Variants in PASK observed in about 807,000 individuals in gnomAD.
PASK encodes PAS domain-containing serine/threonine-protein kinase.
PASK carries 110 observed loss-of-function variants against 121.0 expected under a neutral mutation model. That is an observed-to-expected ratio of 0.91 (90% CI 0.78 to 1.06). The LOEUF is 1.06. Among genes scored for constraint, PASK ranks in the 50% least tolerant of loss-of-function variants. The probability of loss-of-function intolerance (pLI) is 0.00; values close to 1 mark genes in which losing one functional copy is unlikely to be tolerated. For missense variants in PASK, 1,643 were observed against 1,702.3 expected (o/e 0.97, Z 0.61); for synonymous variants, 686 against 717.8 (o/e 0.96, Z 0.71).
At chr2:241,115,662 T>C (rs200508011) in intron 12 of PASK, among the ~76,000 whole-genome samples, 198 of 105,584 alleles carry the variant, frequency 1.9e-3, no homozygotes, top group Middle Eastern at 5.6e-3. Flanking sequence ...CACCCGGTCC[T>C]CAAGCATCCC....
At chr2:241,121,054 G>A (rs2065585987) in intron 12 of PASK, among the ~76,000 whole-genome samples, 1 of 152,216 alleles carries the variant, frequency 6.6e-6, no homozygotes, top group South Asian at 2.1e-4. Context: ...CATTATGTTA[G>A]ATGAAAGAAT....
intron 14 of PASK, chr2:241,114,818 TTC>T (rs2065257635): frequency 6.9e-7 from 1 of 1,452,558 alleles, no homozygotes; most frequent in African/African-American, 1.4e-5. Context: ...TTCTCAGTCA[TTC>T]CAGGACTGTA....
chr2:241,123,762 G>T (rs2065729322), intron 11 of PASK, among the ~76,000 whole-genome samples, 187 bp downstream of exon 11: 1 of 151,270 alleles, frequency 6.6e-6, no homozygotes, highest in African/African-American at 2.4e-5. Flanking sequence ...AGGTTGCAGT[G>T]AGCTGAGAAA....
intron 10 of PASK, among the ~76,000 whole-genome samples, chr2:241,124,751 T>C (rs2065778047): frequency 6.6e-6 from 1 of 152,234 alleles, no homozygotes; most frequent in Non-Finnish European, 1.5e-5. Context: ...CTAATGTTTC[T>C]ACAAATAACA....
chr2:241,138,883 C>T (rs1222375144), intron 4 of PASK, 89 bp from the exon 5 acceptor site: 2 of 1,249,410 alleles, frequency 1.6e-6, no homozygotes, highest in Non-Finnish European at 2.3e-6. Flanking sequence ...GCCCAAACTC[C>T]AGGCACTGCA....
In PASK at chr2:241,127,210, G is replaced by C; in HGVS notation, c.1705C>G (p.Gln569Glu). The change falls in exon 10 of 18, where the codon CAG becomes GAG. Residue 569 changes from glutamine (Q) to glutamate (E), a missense_variant. Coordinates refer to ENST00000234040, the MANE Select transcript of PASK (RefSeq NM_015148.4). The part of the protein sequence containing the change: ...GSDAGMCGLC[Q>E]KAQLERMGVS... Reference sequence around the variant, plus strand: ...CCCATCCGCTCTAGCTGGGCCTTCTGACACAGGCCACACATGCCAGCATCA... The same window carrying C: ...CCCATCCGCTCTAGCTGGGCCTTCTCACACAGGCCACACATGCCAGCATCA... 6.2e-7 allele frequency: 1 copy of C among 1,614,234 alleles called. No homozygotes were observed. Among genetic ancestry groups the C allele is most frequent in the Non-Finnish European group, 8.5e-7 (1 of 1,180,040 alleles).
At chr2:241,123,789 G>C (rs1277273420) in intron 11 of PASK, among the ~76,000 whole-genome samples, 160 bp downstream of exon 11, 1 of 150,752 alleles carries the variant, frequency 6.6e-6, no homozygotes, top group East Asian at 1.9e-4. Flanking sequence ...TTGCACTCCA[G>C]CCTGGGGAAC....
rs1285899787 is a variant in PASK at position 241,126,626 on chromosome 2, C to T, written c.2289G>A (p.Thr763=). The change falls in exon 10 of 18, where the codon ACG becomes ACA. Residue 763 remains threonine (T), a synonymous_variant. Coordinates refer to ENST00000234040, the MANE Select transcript of PASK (RefSeq NM_015148.4). ...AAGAGGGTGTCTCTCTGAGTTCAGA[C>T]GTAGCACAGGAACAATTTGATGACG... The part of the protein sequence containing the change: ...DQTSSNCSCA[T]SELRETPSSL... 13 of 1,614,092 alleles carry T rather than the reference C, an allele frequency of 8.1e-6. No homozygotes were observed. The highest frequency in any genetic ancestry group is 5.0e-5 in the Admixed American group (3 of 60,014).
In PASK at chr2:241,137,111, T is replaced by G. The variant is rs1219725853; in HGVS notation, c.1030A>C (p.Thr344Pro). ...GYRASVWVFC[T>P]ISGLITLLPD... ...AGGAGGGTGATGAGGCCACTGATGG[T>G]GCAGAACACCCAGACAGATGCCCGG... The change falls in exon 7 of 18, where the codon ACC becomes CCC. Residue 344 changes from threonine (T) to proline (P), a missense_variant. Physicochemically the swap from Thr to Pro is conservative, Grantham distance 38. Coordinates refer to ENST00000234040, the MANE Select transcript of PASK (RefSeq NM_015148.4). 1.9e-6 allele frequency: 3 copies of G among 1,613,684 alleles called. No individual in the cohort carries two copies. The South Asian group carries it at 3.3e-5, about 18-fold the overall frequency.
Position 241,112,088 on chromosome 2 carries a change from C to T in PASK, c.3533+152G>A. The T allele has an allele frequency of 1.4e-6, 1 of 704,024 alleles. No homozygotes were observed. The highest frequency in any genetic ancestry group is 1.5e-5 in the South Asian group (1 of 66,834). The allele number at this position is 704,024 out of a possible 1,614,324, so 43.6% of individuals were successfully genotyped here. On this transcript the variant is annotated intron_variant, in intron 15 of 17. Coordinates refer to ENST00000234040, the MANE Select transcript of PASK (RefSeq NM_015148.4). The surrounding 1 kb of genome is among the most constrained non-coding windows in gnomAD (Gnocchi z 5.2). Reference sequence around the variant, plus strand: ...CCTTTGCCCAATATGACCTTGCCTGCCTGCCCACTTACTTTCCAGCATATC... The same window carrying T: ...CCTTTGCCCAATATGACCTTGCCTGTCTGCCCACTTACTTTCCAGCATATC...
rs2125452718 is a variant in PASK, at chr2:241,140,708, T to C, written c.242A>G (p.Asn81Ser). Reference sequence around the variant, plus strand: ...GCAGTGCAGTTTACTTGTACAAATATTCTGGGCAGCCAGTGATGATAGACA... The same window carrying C: ...GCAGTGCAGTTTACTTGTACAAATACTCTGGGCAGCCAGTGATGATAGACA... ...SYCLSSLAAQ[N>S]ICTSKLHCPA... The change falls in exon 3 of 18, where the codon AAT becomes AGT. Residue 81 changes from asparagine (N) to serine (S), a missense_variant. By Grantham distance (46) the Asn-to-Ser change is conservative (BLOSUM62 1). Around this residue, in one of 3 missense-constraint regions of PASK, gnomAD observed 1,176 missense variants for 1,162.2 expected, o/e 1.01. Transcript: ENST00000234040. 2 of 1,614,094 alleles carry C rather than the reference T, an allele frequency of 1.2e-6. No individual in the cohort carries two copies. Among genetic ancestry groups the C allele is most frequent in the Middle Eastern group, 1.7e-4 (1 of 6,052 alleles).
intron 6 of PASK, 141 bp downstream of exon 6, chr2:241,137,812 C>A (rs532748520): frequency 5.7e-6 from 5 of 874,056 alleles, no homozygotes; most frequent in Middle Eastern, 3.3e-4. Flanking sequence ...AAGGCCTCAG[C>A]GCACAGGAAG....
rs752506267 is a variant in PASK, at chr2:241,107,454, C to T, written c.3713G>A (p.Arg1238Lys). ...VSGLLQPVPERRTTLEKLVTD... is the reference protein window; with the variant it reads ...VSGLLQPVPEKRTTLEKLVTD... Reference sequence around the variant, plus strand: ...CACCAGCTTCTCCAAGGTGGTGCGTCTCTCAGGGACTGGCTGCAGCAGCCC... The same window carrying T: ...CACCAGCTTCTCCAAGGTGGTGCGTTTCTCAGGGACTGGCTGCAGCAGCCC... Residue 1238 changes from arginine to lysine, a missense_variant, in exon 17 of 18, where the codon AGA becomes AAA. This residue lies in a region of PASK where 453 missense variants were observed against 511.2 expected (regional missense o/e 0.89). Transcript: ENST00000234040. The T allele has an allele frequency of 6.2e-7, 1 of 1,614,010 alleles. No individual in the cohort carries two copies. Among genetic ancestry groups the T allele is most frequent in the African/African-American group, 1.3e-5 (1 of 75,048 alleles).
chr2:241,121,216 G>A (rs2065593754), intron 12 of PASK, among the ~76,000 whole-genome samples: 1 of 152,174 alleles, frequency 6.6e-6, no homozygotes, highest in Non-Finnish European at 1.5e-5. Flanking sequence ...GACTACTGAT[G>A]GGTATGAGGT....
chr2:241,111,866 C>T (rs1411537703), intron 15 of PASK, among the ~76,000 whole-genome samples: 5 of 152,090 alleles, frequency 3.3e-5, no homozygotes, highest in African/African-American at 7.2e-5. Context: ...GTCAGCCCCG[C>T]GGTATTTTAT....
Position 241,106,356 on chromosome 2 carries a change from G to C in PASK, c.*210C>G. ...TTGAACACTGGAATGTTTTTTTCTA[G>C]GTCATGAAAAAAGTGAATTCCAAAT... On this transcript the variant is annotated 3_prime_UTR_variant, in exon 18 of 18. Transcript: ENST00000234040. The C allele has an allele frequency of 1.6e-6, 1 of 619,572 alleles. No individual in the cohort carries two copies. The highest frequency in any genetic ancestry group is 2.8e-6 in the Non-Finnish European group (1 of 350,884). The allele number at this position is 619,572 out of a possible 1,614,324, so 38.4% of individuals were successfully genotyped here.
At position 241,139,991 on chromosome 2, in the gene PASK, T is replaced by C; in HGVS notation, c.494A>G (p.Gln165Arg). Reference protein sequence around the residue: ...LGYSSQDLIGQKLTQFFLRSD... With the variant: ...LGYSSQDLIGRKLTQFFLRSD... Reference sequence around the variant, plus strand: ...CCTCAGAAAGAACTGCGTGAGCTTCTGGCCAATCAGGTCCTGGCTGCTGTA... The same window carrying C: ...CCTCAGAAAGAACTGCGTGAGCTTCCGGCCAATCAGGTCCTGGCTGCTGTA... Residue 165 changes from glutamine (Q) to arginine (R), a missense_variant, in exon 4 of 18, where the codon CAG (glutamine) becomes CGG (arginine). Coordinates refer to ENST00000234040, the MANE Select transcript of PASK (RefSeq NM_015148.4). The C allele has an allele frequency of 3.7e-6, 6 of 1,614,114 alleles. No homozygotes were observed. The highest frequency in any genetic ancestry group is 5.1e-6 in the Non-Finnish European group (6 of 1,179,932).
At chr2:241,144,161 C>T (rs904289691) in intron 1 of PASK, among the ~76,000 whole-genome samples, 20 of 152,144 alleles carry the variant, frequency 1.3e-4, no homozygotes, top group Non-Finnish European at 2.4e-4. Context: ...TGTGTGTGTG[C>T]GCGCATGTGA....
chr2:241,138,895 C>A (rs2066570972), intron 4 of PASK, 101 bp from the exon 5 acceptor site: 1 of 1,097,422 alleles, frequency 9.1e-7, no homozygotes, highest in East Asian at 2.4e-5. Context: ...GGCACTGCAA[C>A]GTTTTCAACT....
Sources: gnomAD v4.1 joint callset for allele counts (sites outside exome capture counted in the v4.1 genomes callset) on GRCh38, gnomAD v4.1.1 for gene constraint, gnomAD v4.1.1 regional missense constraint, Gnocchi (gnomAD v3.1) non-coding constraint, MANE v1.5 for transcripts, NCBI Gene and HGNC (gene_info 2026-07-23, HGNC 2026-07-21) for gene names.